The following TMTC1 variants were observed in gnomAD, a reference collection of about 807,000 sequenced individuals.
TMTC1 encodes protein O-mannosyl-transferase TMTC1.
A neutral mutation model predicts 104.8 loss-of-function variants in TMTC1; 73 were observed. The ratio of observed to expected loss-of-function variants is 0.70; its 90% CI spans 0.58 to 0.85. The LOEUF (loss-of-function observed/expected upper bound fraction) is 0.85, where lower values mean the gene tolerates loss of function less well. Among genes scored for constraint, TMTC1 ranks in the 40% least tolerant of loss-of-function variants. The pLI is 0.00. For missense variants in TMTC1, 1,035 were observed against 1,096.1 expected (o/e 0.94, Z 0.79); for synonymous variants, 434 against 428.7 (o/e 1.01, Z -0.15).
chr12:29,741,327 A>T (rs1462860979), intron 5 of TMTC1, among the ~76,000 whole-genome samples: 1 of 152,182 alleles, frequency 6.6e-6, no homozygotes. Flanking sequence ...TTTAGGATCA[A>T]CCTCTAACTC....
intron 5 of TMTC1, among the ~76,000 whole-genome samples, chr12:29,671,008 AGT>A (rs777861365): frequency 2.4e-5 from 3 of 122,642 alleles, no homozygotes; most frequent in Non-Finnish European, 4.9e-5. Context: ...ATTATCAAAA[AGT>A]CAGCCAGGCG....
intron 5 of TMTC1, among the ~76,000 whole-genome samples, chr12:29,670,587 T>C (rs1006627219): frequency 2.2e-4 from 34 of 152,128 alleles, no homozygotes; most frequent in African/African-American, 7.7e-4. Flanking sequence ...GAAATTCAAA[T>C]ACTATTCTCA....
At chr12:29,713,775 C>T (rs1355948109) in intron 5 of TMTC1, among the ~76,000 whole-genome samples, 1 of 152,136 alleles carries the variant, frequency 6.6e-6, no homozygotes. Flanking sequence ...CTATTATGAA[C>T]ACCAAAGTAT....
At chr12:29,532,549 C>A (rs1944533421) in intron 11 of TMTC1, 1 of 151,620 alleles carries the variant, frequency 6.6e-6, no homozygotes, top group Admixed American at 6.6e-5. Flanking sequence ...GGTCATTTAG[C>A]ACCATGAAAA....
intron 5 of TMTC1, among the ~76,000 whole-genome samples, chr12:29,750,475 A>G (rs934058390): frequency 6.6e-6 from 1 of 152,240 alleles, no homozygotes; most frequent in Non-Finnish European, 1.5e-5. Context: ...CTTATTTACC[A>G]GGACACTCCT....
At chr12:29,567,470 C>CAT (rs1208093134) in intron 9 of TMTC1, among the ~76,000 whole-genome samples, 2 of 152,062 alleles carry the variant, frequency 1.3e-5, no homozygotes, top group Non-Finnish European at 2.9e-5. Context: ...ATTAACACAG[C>CAT]ATATATATAC....
At chr12:29,525,493 G>A (rs1592171725) in intron 11 of TMTC1, among the ~76,000 whole-genome samples, 2 of 152,066 alleles carry the variant, frequency 1.3e-5, no homozygotes, top group Admixed American at 1.3e-4. Context: ...GCAAAGGGCA[G>A]TCTTTTTCTG....
chr12:29,761,071 A>G (rs1943337595), intron 2 of TMTC1, among the ~76,000 whole-genome samples: 1 of 147,922 alleles, frequency 6.8e-6, no homozygotes, highest in South Asian at 2.1e-4. Flanking sequence ...TTATATGTTT[A>G]TATTACAGTT....
chr12:29,745,618 C>CAAAAAAAAAAAAAAAAAA (rs71444341), intron 5 of TMTC1, among the ~76,000 whole-genome samples: 1 of 84,574 alleles, frequency 1.2e-5, no homozygotes, highest in African/African-American at 4.5e-5. Flanking sequence ...GAGACTCAAT[C>CAAAAAAAAAAAAAAAAAA]AAAAAAAAAA....
At position 29,608,340 on chromosome 12, in the gene TMTC1, G is replaced by C. The variant is rs953197851; in HGVS notation, c.1129-4041C>G. Among the ~76,000 whole-genome samples the C allele has an allele frequency of 2.6e-5, 4 of 152,084 alleles. No individual in the cohort carries two copies. In the East Asian group the frequency reaches 7.7e-4, roughly 29 times the overall value. On this transcript the variant is annotated intron_variant, in intron 6 of 17. Coordinates refer to ENST00000539277, the MANE Select transcript of TMTC1 (RefSeq NM_001193451.2). ...TCAATAATACCCTAACAAAATATGA[G>C]GAGAAAAAAGAGGAAATTCATGGTA...
At position 29,504,083 on chromosome 12, in the gene TMTC1, C is replaced by T. The variant is rs777278237; in HGVS notation, c.*2763G>A. On this transcript the variant is annotated 3_prime_UTR_variant, in exon 18 of 18. Coordinates refer to ENST00000539277, the MANE Select transcript of TMTC1 (RefSeq NM_001193451.2). ...TGGGTGACAAAAAGACAAAGTGGAA[C>T]TGTGTCTCAAAAAAATAAATAAGAA... The T allele has an allele frequency of 3.3e-5, 5 of 151,908 alleles. No individual in the cohort carries two copies. Among genetic ancestry groups the T allele is most frequent in the Non-Finnish European group, 5.9e-5 (4 of 68,002 alleles). The allele number at this position is 151,908 out of a possible 1,614,324, so 9.4% of individuals were successfully genotyped here.
chr12:29,592,279 G>A (rs58758397), intron 7 of TMTC1, among the ~76,000 whole-genome samples: 7,275 of 152,022 alleles, frequency 0.048, 582 homozygotes, highest in African/African-American at 0.16. Context: ...TTCTCCCCTC[G>A]TTTTTTATCT....
At chr12:29,547,268 C>A (rs569005760) in intron 10 of TMTC1, among the ~76,000 whole-genome samples, 37 of 152,304 alleles carry the variant, frequency 2.4e-4, no homozygotes, top group Non-Finnish European at 3.7e-4. Context: ...GTCTTCAGGT[C>A]TCCGCGGTGT....
rs139424788 is a variant in TMTC1, at chr12:29,668,711, T to C, written c.939-35375A>G. On this transcript the variant is annotated intron_variant, in intron 5 of 17. Transcript: ENST00000539277. The stretch of plus-strand genomic sequence containing the variant: ...CCTGACCTCAGGTGATCCACCCACC[T>C]TGGCCTCCCAAAGTGCTGGGATTAC... Among the ~76,000 whole-genome samples, 446 of 152,302 alleles carry C rather than the reference T, an allele frequency of 2.9e-3. 3 individuals are homozygous for C. The highest frequency in any genetic ancestry group is 9.9e-3 in the African/African-American group (413 of 41,584).
At chr12:29,551,045 T>C (rs1302265052) in intron 10 of TMTC1, among the ~76,000 whole-genome samples, 1 of 149,602 alleles carries the variant, frequency 6.7e-6, no homozygotes, top group Non-Finnish European at 1.5e-5. Flanking sequence ...GTAATGGGAT[T>C]GGGACTAGAA....
chr12:29,731,284 G>A (rs1253612042), intron 5 of TMTC1, among the ~76,000 whole-genome samples: 1 of 152,168 alleles, frequency 6.6e-6, no homozygotes, highest in Non-Finnish European at 1.5e-5. Flanking sequence ...AGCCTCCAGA[G>A]GAGCTGGGAT....
chr12:29,667,652 T>C (rs1401957124), intron 5 of TMTC1, among the ~76,000 whole-genome samples: 1 of 152,198 alleles, frequency 6.6e-6, no homozygotes, highest in African/African-American at 2.4e-5. Context: ...GTGTCAAAGG[T>C]CAATGAGTTT....
intron 5 of TMTC1, among the ~76,000 whole-genome samples, chr12:29,689,563 T>C (rs992263831): frequency 1.1e-4 from 17 of 152,202 alleles, no homozygotes; most frequent in African/African-American, 3.9e-4. Context: ...TCTGTCCGTC[T>C]CAGGCCCTGG....
At chr12:29,528,669 A>G (rs1944414581) in intron 11 of TMTC1, among the ~76,000 whole-genome samples, 1 of 152,224 alleles carries the variant, frequency 6.6e-6, no homozygotes, top group Admixed American at 6.5e-5. Context: ...TCAGGTTCCA[A>G]TAACTCAAAT....
Sources: allele counts gnomAD v4.1 joint callset (sites outside exome capture counted in the v4.1 genomes callset), GRCh38; gene constraint gnomAD v4.1.1; transcripts MANE v1.5; gene names NCBI Gene and HGNC (gene_info 2026-07-23, HGNC 2026-07-21).